Variants in MED12L observed in about 807,000 individuals in gnomAD.
MED12L encodes mediator complex subunit 12L, also known as mediator of RNA polymerase II transcription subunit 12-like protein.
MED12L carries 60 observed loss-of-function variants against 281.3 expected under a neutral mutation model. The ratio of observed to expected loss-of-function variants is 0.21; its 90% CI spans 0.17 to 0.26. The LOEUF is 0.26. Among genes scored for constraint, MED12L ranks in the 10% least tolerant of loss-of-function variants. The pLI is 1.00. For missense variants in MED12L, 2,146 were observed against 2,680.9 expected, an observed-to-expected ratio of 0.80 and a Z score of 4.41; for synonymous variants, 974 against 987.2, an observed-to-expected ratio of 0.99 and a Z score of 0.25.
chr3:151,261,188 C>A (rs966161399), intron 16 of MED12L, among the ~76,000 whole-genome samples: 2 of 151,922 alleles, frequency 1.3e-5, no homozygotes, highest in African/African-American at 4.8e-5. Flanking sequence ...TTTGGAAATG[C>A]CCATGAATGA....
intron 11 of MED12L, 59 bp from the exon 12 acceptor site, chr3:151,185,271 C>G (rs1576913074): frequency 1.3e-6 from 2 of 1,565,872 alleles, no homozygotes; most frequent in East Asian, 2.3e-5. Flanking sequence ...TGCTTCCTGC[C>G]TCTTGCTGGG....
At chr3:151,405,228 A>C (rs1028610856) in intron 39 of MED12L, among the ~76,000 whole-genome samples, 1 of 152,214 alleles carries the variant, frequency 6.6e-6, no homozygotes, top group Non-Finnish European at 1.5e-5. Flanking sequence ...TATAGAGGTA[A>C]GCCCAAAGCA....
chr3:151,416,025 G>GA (rs1444486205), intron 42 of MED12L, among the ~76,000 whole-genome samples: 1 of 152,208 alleles, frequency 6.6e-6, no homozygotes, highest in Non-Finnish European at 1.5e-5. Flanking sequence ...ACAGTAAGCA[G>GA]AAGGGATGGC....
chr3:151,397,694 T>C (rs1437171014), intron 39 of MED12L, among the ~76,000 whole-genome samples: 2 of 152,220 alleles, frequency 1.3e-5, no homozygotes, highest in Non-Finnish European at 2.9e-5. Context: ...TTTCGTGCTA[T>C]GGCAGGAAGA....
chr3:151,086,859 C>A lies in MED12L; in HGVS notation c.-68C>A. The A allele has an allele frequency of 7.7e-7, 1 of 1,295,418 alleles. No individual in the cohort carries two copies. The highest frequency in any genetic ancestry group is 1.1e-6 in the Non-Finnish European group (1 of 932,868). 80.2% of individuals were successfully genotyped at this position (1,295,418 alleles called of 1,614,324 possible). On this transcript the variant is annotated 5_prime_UTR_variant, in exon 2 of 45. Coordinates refer to ENST00000687756, the MANE Select transcript of MED12L (RefSeq NM_001393769.1). ...GGGAGTCTGTCTGCAAAGTGCTGCT[C>A]CCTGGTGCTCAGAGGCGGCTGCTCC...
chr3:151,375,678 A>G (rs1278580862), intron 27 of MED12L, among the ~76,000 whole-genome samples: 3 of 152,194 alleles, frequency 2.0e-5, no homozygotes, highest in African/African-American at 7.2e-5. Flanking sequence ...TGAAGAACGT[A>G]TATCTGATAG....
At chr3:151,231,281 G>A (rs1731617836) in intron 16 of MED12L, among the ~76,000 whole-genome samples, 2 of 152,216 alleles carry the variant, frequency 1.3e-5, no homozygotes. Flanking sequence ...CAGGCAATAA[G>A]CTTCAATTGT....
intron 17 of MED12L, 88 bp from the exon 18 acceptor site, chr3:151,355,033 A>G: frequency 1.1e-6 from 1 of 905,504 alleles, no homozygotes; most frequent in Non-Finnish European, 1.8e-6. Flanking sequence ...TTCTGTATGT[A>G]TGCTATACTT....
chr3:151,340,060 G>A (rs964258447), intron 16 of MED12L, among the ~76,000 whole-genome samples: 2 of 152,070 alleles, frequency 1.3e-5, no homozygotes, highest in African/African-American at 2.4e-5. Flanking sequence ...GAAGGAAAAC[G>A]ATTAAGAATC....
Position 151,187,495 on chromosome 3 carries a change from T to C in MED12L, c.1627-859T>C, listed in dbSNP as rs140677058. ...CATCACCATCTTTAAAATTTGACCT[T>C]CACAAAGAGAAAATAGATTGGAAAA... On this transcript the variant is annotated intron_variant, in intron 12 of 44. Coordinates refer to ENST00000687756, the MANE Select transcript of MED12L (RefSeq NM_001393769.1). 4.0e-4 allele frequency among the ~76,000 whole-genome samples: 61 copies of C among 152,294 alleles called. No individual in the cohort carries two copies. In the East Asian group the frequency reaches 4.2e-3, roughly 11 times the overall value.
At chr3:151,191,558 A>G (rs1301298715) in intron 14 of MED12L, among the ~76,000 whole-genome samples, 3 of 152,186 alleles carry the variant, frequency 2.0e-5, no homozygotes, top group Non-Finnish European at 4.4e-5. Context: ...AAAAAGATGG[A>G]GGTGGTGATA....
At chr3:151,277,604 G>A (rs1742113453) in intron 16 of MED12L, among the ~76,000 whole-genome samples, 1 of 151,998 alleles carries the variant, frequency 6.6e-6, no homozygotes. Flanking sequence ...TGACATTGTG[G>A]GTCTGTGCTA....
intron 23 of MED12L, 86 bp downstream of exon 23, chr3:151,366,077 AATTG>A: frequency 6.1e-6 from 7 of 1,150,724 alleles, no homozygotes; most frequent in Non-Finnish European, 8.3e-6. Context: ...GCTTTTATTT[AATTG>A]ATTCAACTGA....
intron 16 of MED12L, chr3:151,200,821 T>G (rs1183064864): frequency 6.6e-6 from 1 of 152,248 alleles, no homozygotes; most frequent in African/African-American, 2.4e-5. Context: ...CATGTACTTA[T>G]TTAACTTCTT....
chr3:151,302,334 C>T (rs568229295), intron 16 of MED12L, among the ~76,000 whole-genome samples: 189 of 152,218 alleles, frequency 1.2e-3, no homozygotes, highest in African/African-American at 4.4e-3. Flanking sequence ...AGGAGTTATT[C>T]TTGTAGTGTT....
At chr3:151,365,333 CT>C in intron 22 of MED12L, 127 bp downstream of exon 22, 1 of 704,628 alleles carries the variant, frequency 1.4e-6, no homozygotes, top group South Asian at 1.8e-5. Context: ...TCTAAATCTT[CT>C]TTTATTCCTT....
chr3:151,155,525 A>G (rs1719157788), intron 5 of MED12L, among the ~76,000 whole-genome samples: 1 of 152,248 alleles, frequency 6.6e-6, no homozygotes, highest in Non-Finnish European at 1.5e-5. Flanking sequence ...TTGAAGATCC[A>G]GATGATTGTC....
chr3:151,362,128 C>T (rs553478876), intron 21 of MED12L, among the ~76,000 whole-genome samples: 33 of 152,158 alleles, frequency 2.2e-4, no homozygotes, highest in Middle Eastern at 6.8e-3. Flanking sequence ...ATTCTTCACC[C>T]TCTCTTTACC....
In MED12L at chr3:151,435,433, A is replaced by T. The variant is rs1027194968; in HGVS notation, c.*2629A>T. On this transcript the variant is annotated 3_prime_UTR_variant, in exon 45 of 45. Coordinates refer to ENST00000687756, the MANE Select transcript of MED12L (RefSeq NM_001393769.1). Reference sequence around the variant, plus strand: ...CCACAGGGTACTAACATCAGACATAAGTTGCAACCAGGTCACATTTTAGGC... The same window carrying T: ...CCACAGGGTACTAACATCAGACATATGTTGCAACCAGGTCACATTTTAGGC... 2.6e-5 allele frequency: 4 copies of T among 152,164 alleles called. No individual in the cohort carries two copies. The highest frequency in any genetic ancestry group is 9.7e-5 in the African/African-American group (4 of 41,440). The allele number at this position is 152,164 out of a possible 1,614,324, so 9.4% of individuals were successfully genotyped here.
Sources: gnomAD v4.1 joint callset for allele counts (sites outside exome capture counted in the v4.1 genomes callset) on GRCh38, gnomAD v4.1.1 for gene constraint, MANE v1.5 for transcripts, NCBI Gene and HGNC (gene_info 2026-07-23, HGNC 2026-07-21) for gene names.